The following TMEM169 variants were observed in gnomAD, a reference collection of about 807,000 sequenced individuals.
TMEM169 encodes transmembrane protein 169.
Under a neutral mutation model 27.3 loss-of-function variants are expected in TMEM169, and 18 were observed. That is an observed-to-expected ratio of 0.66 (90% confidence interval 0.46 to 0.98). The LOEUF is 0.98. TMEM169 is among the 50% of genes least tolerant of loss of function. The pLI is 0.00. For synonymous variants in TMEM169, 136 were observed against 142.1 expected (o/e 0.96, Z 0.30); for missense variants, 320 against 368.6 (o/e 0.87, Z 1.08).
intron 1 of TMEM169, among the ~76,000 whole-genome samples, chr2:216,085,217 A>G (rs1200369745): frequency 6.6e-6 from 1 of 152,108 alleles, no homozygotes; most frequent in Non-Finnish European, 1.5e-5. Flanking sequence ...CTGGAATCCC[A>G]GCACTTTGGG....
Position 216,095,935 on chromosome 2 carries a change from A to C in TMEM169, c.-29A>C. 6.3e-7 allele frequency: 1 copy of C among 1,595,170 alleles called. No homozygotes were observed. The highest frequency in any genetic ancestry group is 8.5e-7 in the Non-Finnish European group (1 of 1,171,816). ...TTTACTCAAACAAGTCCAACTCTTTATAAGACATAGGTAGACGTCAGGTCT... is the reference window on the plus strand; with the variant it reads ...TTTACTCAAACAAGTCCAACTCTTTCTAAGACATAGGTAGACGTCAGGTCT... On this transcript the variant is annotated 5_prime_UTR_variant, in exon 2 of 3. Transcript: ENST00000437356.
intron 1 of TMEM169, among the ~76,000 whole-genome samples, chr2:216,086,998 C>T (rs11898924): frequency 0.65 from 99,383 of 152,078 alleles, 34,297 homozygotes; most frequent in African/African-American, 0.87. Flanking sequence ...ATTCTCACCA[C>T]ACACCTGCAA....
At chr2:216,098,004 A>C (rs1478563358) in intron 2 of TMEM169, among the ~76,000 whole-genome samples, 1 of 152,128 alleles carries the variant, frequency 6.6e-6, no homozygotes, top group East Asian at 1.9e-4. Flanking sequence ...TGGCCCATTT[A>C]TGGAAAGGAG....
At chr2:216,096,280 A>T in intron 2 of TMEM169, 46 bp downstream of exon 2, 1 of 1,581,580 alleles carries the variant, frequency 6.3e-7, no homozygotes, top group South Asian at 1.2e-5. Flanking sequence ...GAAGGAAACC[A>T]AAAGGGCATC....
At chr2:216,097,484 G>C (rs1012906766) in intron 2 of TMEM169, among the ~76,000 whole-genome samples, 6 of 152,156 alleles carry the variant, frequency 3.9e-5, no homozygotes, top group Non-Finnish European at 8.8e-5. Context: ...CTGGGAGGTG[G>C]AGAATCTGTG....
In TMEM169 at chr2:216,100,058, A is replaced by C; in HGVS notation, c.410A>C (p.Glu137Ala). Residue 137 changes from glutamate to alanine, a missense_variant, in exon 3 of 3, where the codon GAG (glutamate) becomes GCG (alanine). Physicochemically the swap from Glu to Ala is moderately radical, Grantham distance 107. Transcript: ENST00000437356. ...CTGCAGGAACTGACCAAACCTAAAG[A>C]GTCATCAAGGGAAACGACGCCTGAA... Reference protein sequence around the residue: ...KELQELTKPKESSRETTPEGR... With the variant: ...KELQELTKPKASSRETTPEGR... 1 of 1,614,166 alleles carries C rather than the reference A, an allele frequency of 6.2e-7. No homozygotes were observed. The highest frequency in any genetic ancestry group is 1.1e-5 in the South Asian group (1 of 91,088).
intron 1 of TMEM169, among the ~76,000 whole-genome samples, chr2:216,084,359 A>C (rs1462305808): frequency 6.6e-6 from 1 of 152,184 alleles, no homozygotes; most frequent in African/African-American, 2.4e-5. Flanking sequence ...TTGTGCCATA[A>C]CAAGGCATAT....
At chr2:216,087,174 G>A (rs904941460) in intron 1 of TMEM169, among the ~76,000 whole-genome samples, 1 of 103,704 alleles carries the variant, frequency 9.6e-6, no homozygotes, top group African/African-American at 3.4e-5. Context: ...TTGCAGGAAA[G>A]GGAAGGGGAA....
At position 216,100,847 on chromosome 2, in the gene TMEM169, T is replaced by C; in HGVS notation, c.*305T>C. 1 of 415,084 alleles carries C rather than the reference T, an allele frequency of 2.4e-6. No homozygotes were observed. The highest frequency in any genetic ancestry group is 4.5e-6 in the Non-Finnish European group (1 of 223,624). The allele number at this position is 415,084 out of a possible 1,614,324, so 25.7% of individuals were successfully genotyped here. A position where few individuals can be genotyped will look rare whatever the true frequency, so the allele number is the denominator to read the frequency against. On this transcript the variant is annotated 3_prime_UTR_variant, in exon 3 of 3. Coordinates refer to ENST00000437356, the MANE Select transcript of TMEM169 (RefSeq NM_001142311.2). Reference sequence around the variant, plus strand: ...GGAGCCTGGAAGTGTTACTGGTGCCTGGAACTGAGGGGAGTATGTGACTAA... The same window carrying C: ...GGAGCCTGGAAGTGTTACTGGTGCCCGGAACTGAGGGGAGTATGTGACTAA...
chr2:216,087,525 TG>T (rs1200323024), intron 1 of TMEM169, among the ~76,000 whole-genome samples: 1 of 152,180 alleles, frequency 6.6e-6, no homozygotes, highest in African/African-American at 2.4e-5. Flanking sequence ...ATATAGGAAA[TG>T]GGTTCATCAA....
chr2:216,084,668 T>A (rs1695956417), intron 1 of TMEM169, among the ~76,000 whole-genome samples: 1 of 152,086 alleles, frequency 6.6e-6, no homozygotes. Context: ...AAGTTTTTAG[T>A]TCGGGTGTCA....
In TMEM169 at chr2:216,099,741, C is replaced by T. The variant is rs1696342108; in HGVS notation, c.272-179C>T. ...AGAGTTCATGTGGGAGCAATAACAC[C>T]AGTGGTCACTCTCCCGAGGGAGACC... On this transcript the variant is annotated intron_variant, in intron 2 of 2. Coordinates refer to ENST00000437356, the MANE Select transcript of TMEM169 (RefSeq NM_001142311.2). This position sits in a 1 kb window ranked among gnomAD's most constrained non-coding sequence, Gnocchi z 5.0. Among the ~76,000 whole-genome samples, 1 of 152,122 alleles carries T rather than the reference C, an allele frequency of 6.6e-6. No individual in the cohort carries two copies. Among genetic ancestry groups the T allele is most frequent in the Non-Finnish European group, 1.5e-5 (1 of 68,018 alleles).
Position 216,100,631 on chromosome 2 carries a change from AC to A in TMEM169, c.*90del. On this transcript the variant is annotated 3_prime_UTR_variant, in exon 3 of 3. Coordinates refer to ENST00000437356, the MANE Select transcript of TMEM169 (RefSeq NM_001142311.2). ...AGATTATTTCTTTAAATTACCCCCT[AC>A]TCTCCGCAGTTCTTCTGGGAAATCA... is the stretch of plus-strand genomic sequence containing the variant. 6.5e-7 allele frequency: 1 copy of A among 1,542,442 alleles called. No homozygotes were observed. The highest frequency in any genetic ancestry group is 1.1e-5 in the South Asian group (1 of 87,214).
At chr2:216,098,894 A>T (rs1696322396) in intron 2 of TMEM169, among the ~76,000 whole-genome samples, 2 of 148,626 alleles carry the variant, frequency 1.3e-5, no homozygotes, top group African/African-American at 5.0e-5. Context: ...CGTGGTATGT[A>T]TGTGGTATGT....
intron 2 of TMEM169, among the ~76,000 whole-genome samples, chr2:216,096,941 T>C (rs1234129363): frequency 6.6e-6 from 1 of 152,232 alleles, no homozygotes; most frequent in Admixed American, 6.5e-5. Flanking sequence ...TGAGATATAG[T>C]ATTCCTTCAC....
chr2:216,094,560 A>C (rs1696216489), intron 1 of TMEM169, among the ~76,000 whole-genome samples: 1 of 152,208 alleles, frequency 6.6e-6, no homozygotes, highest in South Asian at 2.1e-4. Flanking sequence ...CTTCTAATGG[A>C]AGTACAAACA....
chr2:216,097,729 T>C (rs548561287), intron 2 of TMEM169, among the ~76,000 whole-genome samples: 1 of 152,162 alleles, frequency 6.6e-6, no homozygotes, highest in African/African-American at 2.4e-5. Flanking sequence ...GAAAGACAGA[T>C]AGTGAACAAG....
intron 1 of TMEM169, among the ~76,000 whole-genome samples, chr2:216,083,783 T>C (rs1422544521): frequency 2.0e-5 from 3 of 152,188 alleles, no homozygotes; most frequent in Non-Finnish European, 4.4e-5. Context: ...TGGGGTCTCT[T>C]CAAGCGATCT....
chr2:216,089,239 G>A (rs1020407397), intron 1 of TMEM169, among the ~76,000 whole-genome samples: 9 of 152,084 alleles, frequency 5.9e-5, no homozygotes, highest in African/African-American at 2.2e-4. Context: ...CAACAGCTTT[G>A]GTGTGACAAG....
Sources: allele counts gnomAD v4.1 joint callset (sites outside exome capture counted in the v4.1 genomes callset), GRCh38; gene constraint gnomAD v4.1.1; non-coding constraint Gnocchi (gnomAD v3.1); transcripts MANE v1.5; gene names NCBI Gene and HGNC (gene_info 2026-07-23, HGNC 2026-07-21).